Variants in SPAG16 observed in about 807,000 individuals in gnomAD.
The protein encoded by SPAG16 is sperm associated antigen 16.
Under a neutral mutation model 80.4 loss-of-function variants are expected in SPAG16, and 86 were observed. The observed-to-expected ratio is 1.07, with a 90% CI of 0.90 to 1.28. The LOEUF (loss-of-function observed/expected upper bound fraction) is 1.28, where lower values mean the gene tolerates loss of function less well. Among genes scored for constraint, SPAG16 ranks in the 50% most tolerant of loss-of-function variants. SPAG16 has a pLI of 0.00. For synonymous variants in SPAG16, 294 were observed against 265.9 expected, an observed-to-expected ratio of 1.11 and a Z score of -1.03; for missense variants, 870 against 765.3, an observed-to-expected ratio of 1.14 and a Z score of -1.61.
chr2:214,035,039 C>T (rs1410412161), intron 13 of SPAG16, among the ~76,000 whole-genome samples: 1 of 152,154 alleles, frequency 6.6e-6, no homozygotes, highest in East Asian at 1.9e-4. Flanking sequence ...GATGTAACAG[C>T]TCAGAGGAGA....
intron 15 of SPAG16, among the ~76,000 whole-genome samples, chr2:214,242,871 G>A (rs1232066639): frequency 6.6e-6 from 1 of 151,960 alleles, no homozygotes; most frequent in East Asian, 1.9e-4. Context: ...CTATCACTTG[G>A]GTAGCTGCAG....
chr2:213,742,927 G>A (rs1451875780), intron 10 of SPAG16, among the ~76,000 whole-genome samples: 8 of 149,260 alleles, frequency 5.4e-5, no homozygotes, highest in African/African-American at 7.4e-5. Flanking sequence ...TTTTTGAGAC[G>A]GAGTCTCGCT....
chr2:214,175,380 G>C (rs991335657), intron 15 of SPAG16, among the ~76,000 whole-genome samples: 7 of 149,658 alleles, frequency 4.7e-5, no homozygotes, highest in African/African-American at 1.7e-4. Flanking sequence ...AAAGGAATTG[G>C]ATTGATGAAT....
intron 15 of SPAG16, among the ~76,000 whole-genome samples, chr2:214,160,627 A>G (rs1408099466): frequency 1.3e-5 from 2 of 151,982 alleles, no homozygotes; most frequent in Non-Finnish European, 2.9e-5. Context: ...TGTCTTTAAT[A>G]TGTTCTCTTA....
At chr2:214,355,347 C>CAAAAAGTGGGCG (rs1698709001) in intron 15 of SPAG16, among the ~76,000 whole-genome samples, 1 of 133,074 alleles carries the variant, frequency 7.5e-6, no homozygotes, top group Non-Finnish European at 1.7e-5. Context: ...ACAACCCCAT[C>CAAAAAGTGGGCG]AAAAAGTGGG....
chr2:214,377,771 AC>A (rs1700216397), intron 15 of SPAG16, among the ~76,000 whole-genome samples: 1 of 152,190 alleles, frequency 6.6e-6, no homozygotes, highest in Non-Finnish European at 1.5e-5. Context: ...TTGGTAGCAG[AC>A]CACAAAGATC....
intron 15 of SPAG16, among the ~76,000 whole-genome samples, chr2:214,367,071 A>G (rs1699524833): frequency 6.6e-6 from 1 of 152,250 alleles, no homozygotes; most frequent in Admixed American, 6.5e-5. Context: ...CCTGTGGGGA[A>G]TTAGTGGGGG....
chr2:213,461,828 T>C (rs1260450186), intron 9 of SPAG16, among the ~76,000 whole-genome samples: 1 of 152,086 alleles, frequency 6.6e-6, no homozygotes, highest in Non-Finnish European at 1.5e-5. Flanking sequence ...AGATGAGGAA[T>C]GAGAAAAGAT....
intron 11 of SPAG16, among the ~76,000 whole-genome samples, chr2:213,899,408 G>A (rs2077122425): frequency 6.6e-6 from 1 of 152,058 alleles, no homozygotes; most frequent in East Asian, 1.9e-4. Flanking sequence ...AATGAACTGT[G>A]TTCCCTCTTA....
At position 213,680,709 on chromosome 2, in the gene SPAG16, A is replaced by G. The variant is rs191431331; in HGVS notation, c.1071-181776A>G. Among the ~76,000 whole-genome samples the G allele has an allele frequency of 5.3e-5, 8 of 152,312 alleles. No individual in the cohort carries two copies. The East Asian group carries it at 1.5e-3, about 29-fold the overall frequency. Reference sequence around the variant, plus strand: ...TTAAGAGATTTATTCTGAACCAAATATGAATGACCATGGCCCATGACACAG... The same window carrying G: ...TTAAGAGATTTATTCTGAACCAAATGTGAATGACCATGGCCCATGACACAG... On this transcript the variant is annotated intron_variant, in intron 10 of 15. Transcript: ENST00000331683.
chr2:213,925,571 C>T lies in SPAG16; in HGVS notation c.1215-4389C>T, dbSNP rs145683202. ...TTCACCATGTTGGCCAGGCTGGTCT[C>T]GAACTCCTGACCTCAAGTAATCTGT... On this transcript the variant is annotated intron_variant, in intron 11 of 15. Coordinates refer to ENST00000331683, the MANE Select transcript of SPAG16 (RefSeq NM_024532.5). Among the ~76,000 whole-genome samples the T allele has an allele frequency of 2.7e-3, 417 of 152,236 alleles. 2 individuals are homozygous for T. Among genetic ancestry groups the T allele is most frequent in the African/African-American group, 9.4e-3 (390 of 41,552 alleles).
At chr2:213,403,972 A>G (rs2125352767) in intron 9 of SPAG16, among the ~76,000 whole-genome samples, 2 of 152,322 alleles carry the variant, frequency 1.3e-5, no homozygotes, top group Middle Eastern at 3.4e-3. Flanking sequence ...TTCAAAGAGA[A>G]TAAAATACCT....
At chr2:214,343,323 C>A (rs916186280) in intron 15 of SPAG16, among the ~76,000 whole-genome samples, 3 of 151,974 alleles carry the variant, frequency 2.0e-5, no homozygotes, top group Non-Finnish European at 4.4e-5. Context: ...ACTGGAGAAT[C>A]AGATTTTTAA....
chr2:214,380,790 C>G (rs1700405243), intron 15 of SPAG16, among the ~76,000 whole-genome samples: 1 of 152,212 alleles, frequency 6.6e-6, no homozygotes, highest in Non-Finnish European at 1.5e-5. Flanking sequence ...AACATGGACA[C>G]CACTGTTTGC....
chr2:214,318,881 G>A (rs16851756), intron 15 of SPAG16, among the ~76,000 whole-genome samples: 7,957 of 152,126 alleles, frequency 0.052, 478 homozygotes, highest in African/African-American at 0.15. Flanking sequence ...CTGAAGTAGA[G>A]GCAAGCCTGG....
At chr2:214,160,241 A>G (rs962865382) in intron 15 of SPAG16, among the ~76,000 whole-genome samples, 1 of 151,996 alleles carries the variant, frequency 6.6e-6, no homozygotes, top group Non-Finnish European at 1.5e-5. Flanking sequence ...AATGGACTCA[A>G]TTAAATTAAT....
chr2:213,822,851 T>C (rs186262821), intron 10 of SPAG16, among the ~76,000 whole-genome samples: 2 of 152,246 alleles, frequency 1.3e-5, no homozygotes, highest in East Asian at 3.9e-4. Context: ...CCTGTGTTAG[T>C]TTGCTGAGGA....
intron 10 of SPAG16, among the ~76,000 whole-genome samples, chr2:213,530,698 C>T (rs1282412784): frequency 6.6e-6 from 1 of 152,094 alleles, no homozygotes; most frequent in Non-Finnish European, 1.5e-5. Flanking sequence ...ACTTCCAAGT[C>T]TTTCAATTAG....
chr2:213,714,204 C>T (rs573328827), intron 10 of SPAG16, among the ~76,000 whole-genome samples: 7 of 152,156 alleles, frequency 4.6e-5, no homozygotes, highest in East Asian at 1.9e-4. Flanking sequence ...ACAAACAACT[C>T]GAGGACAATA....
Sources: allele counts gnomAD v4.1 joint callset (sites outside exome capture counted in the v4.1 genomes callset), GRCh38; gene constraint gnomAD v4.1.1; transcripts MANE v1.5; gene names NCBI Gene and HGNC (gene_info 2026-07-23, HGNC 2026-07-21).